CSMD1: variants seen among roughly 807,000 people sequenced by gnomAD.
CSMD1 encodes CUB and Sushi multiple domains 1.
Under a neutral mutation model 417.5 loss-of-function variants are expected in CSMD1, and 213 were observed. The observed-to-expected ratio is 0.51, with a 90% CI of 0.46 to 0.57. The LOEUF (loss-of-function observed/expected upper bound fraction) is 0.57, where lower values mean the gene tolerates loss of function less well. Among genes scored for constraint, CSMD1 ranks in the 20% least tolerant of loss-of-function variants. The probability of loss-of-function intolerance (pLI) is 0.00; values close to 1 mark genes in which losing one functional copy is unlikely to be tolerated. For synonymous variants in CSMD1, 2,862 were observed against 1,736.8 expected, an observed-to-expected ratio of 1.65 and a Z score of -16.11; for missense variants, 6,923 against 4,529.7, an observed-to-expected ratio of 1.53 and a Z score of -15.17.
At chr8:4,920,541 G>A (rs1806367524) in intron 1 of CSMD1, among the ~76,000 whole-genome samples, 1 of 152,168 alleles carries the variant, frequency 6.6e-6, no homozygotes, top group South Asian at 2.1e-4. Flanking sequence ...CAATGGTGAG[G>A]CCAGGCACAG....
intron 1 of CSMD1, among the ~76,000 whole-genome samples, chr8:4,719,363 C>A (rs1405972322): frequency 6.6e-6 from 1 of 152,036 alleles, no homozygotes; most frequent in Non-Finnish European, 1.5e-5. Context: ...TGCGCTTGAG[C>A]CTGCTCATTC....
intron 26 of CSMD1, among the ~76,000 whole-genome samples, chr8:3,247,043 G>GT: frequency 6.6e-6 from 1 of 152,302 alleles, no homozygotes; most frequent in Middle Eastern, 3.4e-3. Flanking sequence ...TTGTATTGGT[G>GT]TAAGTGAAGA....
At chr8:4,248,796 G>GA (rs1482783558) in intron 3 of CSMD1, among the ~76,000 whole-genome samples, 2 of 151,918 alleles carry the variant, frequency 1.3e-5, no homozygotes, top group Non-Finnish European at 2.9e-5. Context: ...CCTCTGAATG[G>GA]AAAAATCTTT....
intron 10 of CSMD1, among the ~76,000 whole-genome samples, chr8:3,553,486 C>G (rs1249366236): frequency 6.6e-6 from 1 of 152,166 alleles, no homozygotes; most frequent in Admixed American, 6.5e-5. Context: ...GAAGATATTC[C>G]TAAGACAGCT....
At chr8:3,959,684 G>A (rs1274605205) in intron 5 of CSMD1, among the ~76,000 whole-genome samples, 1 of 152,156 alleles carries the variant, frequency 6.6e-6, no homozygotes, top group Non-Finnish European at 1.5e-5. Context: ...AGTACAGCAG[G>A]TAAGTTTCTT....
chr8:4,751,624 C>T (rs1331628947), intron 1 of CSMD1, among the ~76,000 whole-genome samples: 1 of 152,106 alleles, frequency 6.6e-6, no homozygotes, highest in Non-Finnish European at 1.5e-5. Flanking sequence ...ATAGCAGCCT[C>T]AAGGGTGAAA....
intron 4 of CSMD1, among the ~76,000 whole-genome samples, chr8:4,011,570 G>T (rs563930660): frequency 6.6e-6 from 1 of 152,122 alleles, no homozygotes; most frequent in South Asian, 2.1e-4. Flanking sequence ...AAATCCAAGA[G>T]TCAGTTCCTA....
chr8:4,639,834 G>C (rs1255258332), intron 1 of CSMD1, among the ~76,000 whole-genome samples: 3 of 152,040 alleles, frequency 2.0e-5, no homozygotes, highest in Non-Finnish European at 2.9e-5. Context: ...TTTAATGAAA[G>C]GGATTTATGA....
chr8:3,712,398 G>GAGAGAGAC (rs1198058991), intron 6 of CSMD1, among the ~76,000 whole-genome samples: 41 of 28,922 alleles, frequency 1.4e-3, no homozygotes, highest in Middle Eastern at 0.021. Flanking sequence ...GAGAGAGAGA[G>GAGAGAGAC]AGACAGACAG....
At chr8:3,349,355 G>A (rs535634236) in intron 21 of CSMD1, among the ~76,000 whole-genome samples, 1 of 152,228 alleles carries the variant, frequency 6.6e-6, no homozygotes, top group East Asian at 1.9e-4. Context: ...CCACTTGCCA[G>A]CAGGAAGTTG....
At chr8:3,539,300 A>T (rs184983894) in intron 10 of CSMD1, among the ~76,000 whole-genome samples, 12 of 151,634 alleles carry the variant, frequency 7.9e-5, no homozygotes, top group South Asian at 6.3e-4. Flanking sequence ...CCTACTGCCT[A>T]CCTCCCACCC....
chr8:3,195,470 C>A (rs115938479), intron 33 of CSMD1, among the ~76,000 whole-genome samples: 45 of 152,322 alleles, frequency 3.0e-4, no homozygotes, highest in African/African-American at 1.1e-3. Flanking sequence ...TCTTCTAATC[C>A]TGGAAGAAGC....
rs529270892 is a variant in CSMD1, at chr8:3,507,235, T to C, written c.1345-13509A>G. Among the ~76,000 whole-genome samples the C allele has an allele frequency of 3.4e-4, 51 of 151,762 alleles. 1 individual carries two copies. Among genetic ancestry groups the C allele is most frequent in the African/African-American group, 1.1e-3 (47 of 41,198 alleles). Reference sequence around the variant, plus strand: ...GTAACATTAGGTAACCTATACAATATTTTTTTTGTAGAAGTAAAAAGGAAA... The same window carrying C: ...GTAACATTAGGTAACCTATACAATACTTTTTTTGTAGAAGTAAAAAGGAAA... On this transcript the variant is annotated intron_variant, in intron 10 of 69. Coordinates refer to ENST00000635120, the MANE Select transcript of CSMD1 (RefSeq NM_033225.6).
intron 3 of CSMD1, among the ~76,000 whole-genome samples, chr8:4,315,443 C>G (rs969320096): frequency 3.3e-5 from 5 of 151,956 alleles, no homozygotes. Flanking sequence ...TAAAATAAAT[C>G]AGTGAATGCA....
At chr8:3,302,788 T>G (rs910147226) in intron 25 of CSMD1, among the ~76,000 whole-genome samples, 1 of 152,174 alleles carries the variant, frequency 6.6e-6, no homozygotes, top group Non-Finnish European at 1.5e-5. Context: ...TTCTCACAGT[T>G]TATGTACCAT....
At chr8:4,769,782 A>T (rs1204229042) in intron 1 of CSMD1, among the ~76,000 whole-genome samples, 11 of 152,262 alleles carry the variant, frequency 7.2e-5, no homozygotes, top group South Asian at 6.2e-4. Flanking sequence ...TTACAATGTG[A>T]ATTGCCACGT....
intron 26 of CSMD1, among the ~76,000 whole-genome samples, chr8:3,241,658 G>A (rs1585763442): frequency 6.6e-6 from 1 of 152,260 alleles, no homozygotes; most frequent in South Asian, 2.1e-4. Context: ...TTGGCCTGGT[G>A]GCCAGATTTC....
intron 18 of CSMD1, among the ~76,000 whole-genome samples, chr8:3,381,206 T>G (rs1259676820): frequency 1.3e-5 from 2 of 151,880 alleles, no homozygotes; most frequent in Admixed American, 1.3e-4. Flanking sequence ...ATGACTAAAA[T>G]GACTGCAAGT....
chr8:4,057,261 A>G (rs968978617), intron 3 of CSMD1, among the ~76,000 whole-genome samples: 44 of 152,118 alleles, frequency 2.9e-4, no homozygotes, highest in African/African-American at 1.1e-3. Flanking sequence ...TGTGGTTTTG[A>G]TTTGCATTTC....
Sources: allele counts gnomAD v4.1 joint callset (sites outside exome capture counted in the v4.1 genomes callset), GRCh38; gene constraint gnomAD v4.1.1; transcripts MANE v1.5; gene names NCBI Gene and HGNC (gene_info 2026-07-23, HGNC 2026-07-21).